The following GALNT13 variants were observed in gnomAD, a reference collection of about 807,000 sequenced individuals.
The protein encoded by GALNT13 is UDP-GalNAc:polypeptide N-acetylgalactosaminyltransferase 13.
Under a neutral mutation model 64.2 loss-of-function variants are expected in GALNT13, and 28 were observed. That is an observed-to-expected ratio of 0.44 (90% confidence interval 0.32 to 0.60). The LOEUF (loss-of-function observed/expected upper bound fraction) is 0.60. GALNT13 is among the 20% of genes least tolerant of loss of function. The probability of loss-of-function intolerance (pLI) is 0.05; values close to 1 mark genes in which losing one functional copy is unlikely to be tolerated. For missense variants in GALNT13, 577 were observed against 669.8 expected, an observed-to-expected ratio of 0.86 and a Z score of 1.53; for synonymous variants, 214 against 224.6, an observed-to-expected ratio of 0.95 and a Z score of 0.42.
At chr2:153,832,012 G>T in the GALNT13 span, among the ~76,000 whole-genome samples, 1 of 152,130 alleles carries the variant, frequency 6.6e-6, no homozygotes, top group Non-Finnish European at 1.5e-5. Context: ...TTAATTCCAT[G>T]TCGATTTTAA....
At position 154,242,768 on chromosome 2, in the gene GALNT13, A is replaced by G. The variant is rs755908617; in HGVS notation, c.549A>G (p.Glu183=). The G allele has an allele frequency of 6.2e-7, 1 of 1,614,120 alleles. No homozygotes were observed. Among genetic ancestry groups the G allele is most frequent in the African/African-American group, 1.3e-5 (1 of 75,062 alleles). ...LEVPVKIIRM[E]ERSGLIRARL... ...TGCCAGTAAAAATTATTAGGATGGAAGAACGCTCTGGGTTAATACGTGCCC... is the reference window on the plus strand; with the variant it reads ...TGCCAGTAAAAATTATTAGGATGGAGGAACGCTCTGGGTTAATACGTGCCC... Residue 183 remains glutamate (E), a synonymous_variant, in exon 6 of 13, where the codon GAA becomes GAG. Transcript: ENST00000392825.
intron 12 of GALNT13, chr2:154,446,467 C>T (rs1701580841): frequency 8.1e-7 from 1 of 1,231,266 alleles, no homozygotes; most frequent in African/African-American, 1.5e-5. Flanking sequence ...ATGTGCCTTC[C>T]ATCTTTATCC....
At chr2:153,946,560 G>A (rs760907115) in intron 3 of GALNT13, among the ~76,000 whole-genome samples, 1 of 152,070 alleles carries the variant, frequency 6.6e-6, no homozygotes, top group Non-Finnish European at 1.5e-5. Flanking sequence ...CGTCTGATAA[G>A]GGGCTGTTCC....
intron 9 of GALNT13, among the ~76,000 whole-genome samples, chr2:154,390,005 A>G (rs894243828): frequency 3.3e-5 from 5 of 152,066 alleles, no homozygotes; most frequent in Admixed American, 6.6e-5. Flanking sequence ...TTGATTTCCT[A>G]AGAAAGGAAC....
chr2:153,149,774 C>A, the GALNT13 span, among the ~76,000 whole-genome samples: 29 of 151,818 alleles, frequency 1.9e-4, no homozygotes, highest in African/African-American at 6.8e-4. Flanking sequence ...TAAATTTTAG[C>A]TGTTAATACG....
At chr2:154,131,776 C>CT (rs1682632938) in intron 3 of GALNT13, among the ~76,000 whole-genome samples, 1 of 152,112 alleles carries the variant, frequency 6.6e-6, no homozygotes, top group Non-Finnish European at 1.5e-5. Context: ...GGTGAAGTCC[C>CT]ACAATAGGCT....
At chr2:154,345,421 CTG>C (rs1696016872) in intron 9 of GALNT13, among the ~76,000 whole-genome samples, 1 of 152,004 alleles carries the variant, frequency 6.6e-6, no homozygotes. Flanking sequence ...AGAGAACTTT[CTG>C]TGATAATGAA....
At chr2:154,115,444 A>G (rs1353332038) in intron 3 of GALNT13, among the ~76,000 whole-genome samples, 1 of 151,758 alleles carries the variant, frequency 6.6e-6, no homozygotes, top group Non-Finnish European at 1.5e-5. Context: ...TTTTTGAGAT[A>G]GAGTCTCCCT....
chr2:154,307,101 G>A (rs974068813), intron 9 of GALNT13, among the ~76,000 whole-genome samples: 1 of 151,970 alleles, frequency 6.6e-6, no homozygotes, highest in African/African-American at 2.4e-5. Flanking sequence ...GAGTTGGGTA[G>A]GTCAGATCCC....
intron 4 of GALNT13, among the ~76,000 whole-genome samples, chr2:154,214,609 C>A (rs1423301814): frequency 6.6e-6 from 1 of 152,064 alleles, no homozygotes; most frequent in Non-Finnish European, 1.5e-5. Context: ...TGAGTGAGTT[C>A]TCATGAGATC....
intron 1 of GALNT13, among the ~76,000 whole-genome samples, chr2:153,889,986 G>A (rs1687447384): frequency 1.3e-5 from 2 of 151,676 alleles, no homozygotes; most frequent in African/African-American, 2.4e-5. Flanking sequence ...CTTGCTTCCT[G>A]TGAAGTGTCT....
At chr2:154,419,623 G>C (rs1286925276) in intron 11 of GALNT13, among the ~76,000 whole-genome samples, 1 of 152,092 alleles carries the variant, frequency 6.6e-6, no homozygotes, top group African/African-American at 2.4e-5. Flanking sequence ...TTGGCTCTAT[G>C]CTTTCTAGCT....
rs772825836 is a variant in GALNT13, at chr2:154,423,713, A to G, written c.1395+14631A>G. 9.7e-4 allele frequency among the ~76,000 whole-genome samples: 147 copies of G among 152,192 alleles called. 3 individuals carry two copies. Among genetic ancestry groups the G allele is most frequent in the Non-Finnish European group, 3.1e-4 (21 of 68,040 alleles). ...GATCCCTTGTACAGAAGAATTTCATATAAGTTTTGTAGCTTACTCCAGGAG... is the reference window on the plus strand; with the variant it reads ...GATCCCTTGTACAGAAGAATTTCATGTAAGTTTTGTAGCTTACTCCAGGAG... On this transcript the variant is annotated intron_variant, in intron 11 of 12. Transcript: ENST00000392825.
At chr2:154,272,456 C>T (rs1376292800) in intron 8 of GALNT13, among the ~76,000 whole-genome samples, 4 of 151,984 alleles carry the variant, frequency 2.6e-5, no homozygotes, top group African/African-American at 9.7e-5. Flanking sequence ...ATTGCTGTGG[C>T]TTTCTGACCC....
chr2:153,853,694 A>G, the GALNT13 span, among the ~76,000 whole-genome samples: 1,067 of 150,838 alleles, frequency 7.1e-3, 6 homozygotes, highest in Non-Finnish European at 0.012. Flanking sequence ...TAATTATACA[A>G]TTGCATAATA....
chr2:153,423,478 C>A, the GALNT13 span: 1 of 151,870 alleles, frequency 6.6e-6, no homozygotes, highest in African/African-American at 2.4e-5. Flanking sequence ...TTCTATTCAT[C>A]ATTGTGTGGA....
intron 4 of GALNT13, among the ~76,000 whole-genome samples, chr2:154,192,296 G>C (rs1317375358): frequency 6.6e-6 from 1 of 152,174 alleles, no homozygotes; most frequent in Non-Finnish European, 1.5e-5. Flanking sequence ...CACAGGATGG[G>C]GGTGTGACAG....
chr2:154,013,781 A>G (rs1231959554), intron 3 of GALNT13, among the ~76,000 whole-genome samples: 1 of 152,134 alleles, frequency 6.6e-6, no homozygotes, highest in African/African-American at 2.4e-5. Context: ...GCACACTCAC[A>G]TGCCTGCTGT....
At chr2:153,439,771 T>G in the GALNT13 span, among the ~76,000 whole-genome samples, 3 of 152,244 alleles carry the variant, frequency 2.0e-5, no homozygotes, top group East Asian at 5.8e-4. Flanking sequence ...GCTTCCTGGG[T>G]GAGGCGATGC....
Sources: gnomAD v4.1 joint callset for allele counts (sites outside exome capture counted in the v4.1 genomes callset) on GRCh38, gnomAD v4.1.1 for gene constraint, MANE v1.5 for transcripts, NCBI Gene and HGNC (gene_info 2026-07-23, HGNC 2026-07-21) for gene names.